Variants in SLC2A14 observed in about 807,000 individuals in gnomAD.
SLC2A14 encodes solute carrier family 2 member 14.
Under a neutral mutation model 43.0 loss-of-function variants are expected in SLC2A14, and 13 were observed. That is an observed-to-expected ratio of 0.30 (90% CI 0.20 to 0.48). The LOEUF (loss-of-function observed/expected upper bound fraction) is 0.48, where lower values mean the gene tolerates loss of function less well. Among genes scored for constraint, SLC2A14 ranks in the 20% least tolerant of loss-of-function variants. SLC2A14 has a pLI of 0.99. For missense variants in SLC2A14, 428 were observed against 620.4 expected (o/e 0.69, Z 3.29); for synonymous variants, 190 against 233.8 (o/e 0.81, Z 1.71).
chr12:7,846,443 C>T (rs1866473475), intron 2 of SLC2A14, among the ~76,000 whole-genome samples: 1 of 150,370 alleles, frequency 6.7e-6, no homozygotes, highest in Admixed American at 6.6e-5. Flanking sequence ...AATCTCTTAT[C>T]TAACATTCTG....
chr12:7,872,807 C>T lies in SLC2A14; in HGVS notation c.-58G>A, dbSNP rs1945312105. ...CGCAGGGACGGCGCGGCGCACCCAC[C>T]TCCCAGACCCCGCGACTGCGGTTGG... On this transcript the variant is annotated splice_region_variant and 5_prime_UTR_variant, in exon 1 of 11. Coordinates refer to ENST00000431042, the MANE Select transcript of SLC2A14 (RefSeq NM_001286234.2). 4.1e-6 allele frequency: 4 copies of T among 985,488 alleles called. No homozygotes were observed. Among genetic ancestry groups the T allele is most frequent in the Non-Finnish European group, 2.4e-6 (2 of 830,122 alleles). 61.0% of individuals were successfully genotyped at this position (985,488 alleles called of 1,614,324 possible). A position where few individuals can be genotyped will look rare whatever the true frequency, so the allele number is the denominator to read the frequency against.
intron 2 of SLC2A14, among the ~76,000 whole-genome samples, chr12:7,852,739 G>C (rs569873098): frequency 6.6e-6 from 1 of 152,078 alleles, no homozygotes; most frequent in East Asian, 1.9e-4. Context: ...ACCACTGTTT[G>C]AGAACCACTG....
rs370881715 is a variant in SLC2A14 at position 7,855,098 on chromosome 12, G to A, written c.18+14765C>T. 5.3e-5 allele frequency among the ~76,000 whole-genome samples: 8 copies of A among 152,074 alleles called. 1 individual carries two copies. The highest frequency in any genetic ancestry group is 6.6e-5 in the Admixed American group (1 of 15,250). The stretch of plus-strand genomic sequence containing the variant: ...GCTGGGATTACAGGCATGAGCCACC[G>A]CATCCAGCCAGGTATCGCACTTTAT... On this transcript the variant is annotated intron_variant, in intron 2 of 10. Coordinates refer to ENST00000431042, the MANE Select transcript of SLC2A14 (RefSeq NM_001286234.2).
chr12:7,841,863 G>C (rs1285563236), intron 2 of SLC2A14, among the ~76,000 whole-genome samples: 1 of 151,822 alleles, frequency 6.6e-6, no homozygotes, highest in Non-Finnish European at 1.5e-5. Context: ...AAATTAGCCG[G>C]GCGTAGTGGT....
chr12:7,827,550 G>C lies in SLC2A14; in HGVS notation c.809C>G (p.Pro270Arg). 1 of 1,612,844 alleles carries C rather than the reference G, an allele frequency of 6.2e-7. No homozygotes were observed. The highest frequency in any genetic ancestry group is 1.1e-5 in the South Asian group (1 of 90,946). ...CTGGAGCACAATGGAAATGATGATG[G>C]GCTGTCGGTAGCTGGACACTCTAAA... Reference protein sequence around the residue: ...ELFRVSSYRQPIIISIVLQLS... With the variant: ...ELFRVSSYRQRIIISIVLQLS... The change falls in exon 7 of 11, where the codon CCC (proline) becomes CGC (arginine). Residue 270 changes from proline to arginine, a missense_variant. Pro to Arg is a moderately radical substitution (Grantham distance 103). Coordinates refer to ENST00000431042, the MANE Select transcript of SLC2A14 (RefSeq NM_001286234.2).
At chr12:7,838,235 C>A (rs1469954495) in intron 2 of SLC2A14, among the ~76,000 whole-genome samples, 12 of 151,840 alleles carry the variant, frequency 7.9e-5, no homozygotes, top group Admixed American at 7.9e-4. Flanking sequence ...CTACAGGCGC[C>A]TGCCACCATG....
upstream of SLC2A14, among the ~76,000 whole-genome samples, chr12:7,874,661 G>A (rs1190272246): frequency 2.0e-5 from 3 of 146,980 alleles, 1 homozygote; most frequent in Non-Finnish European, 4.5e-5. Flanking sequence ...CAGAGAGCAA[G>A]ATTCCATCTC....
intron 1 of SLC2A14, among the ~76,000 whole-genome samples, chr12:7,889,678 GGTATACGCCACCACGCCCGGCTAATTTTT>G (rs1414283396): frequency 1.3e-5 from 2 of 151,676 alleles, no homozygotes; most frequent in Non-Finnish European, 2.9e-5. Flanking sequence ...TGGGATTACA[GGTATACGCCACCACGCCCGGCTAATTTTT>G]GTATTTTTAG....
rs764401206 is a variant in SLC2A14 at position 7,860,918 on chromosome 12, G to A, written c.18+8945C>T. On this transcript the variant is annotated intron_variant, in intron 2 of 10. Transcript: ENST00000431042. ...AGCGATTCTCCTGCCTCAGCCTCCC[G>A]AGTAGCTAGGATTAGAGGCATGCAC... Among the ~76,000 whole-genome samples, 12 of 151,872 alleles carry A rather than the reference G, an allele frequency of 7.9e-5. No homozygotes were observed. In the East Asian group the frequency reaches 1.9e-3, roughly 24 times the overall value.
chr12:7,890,468 A>C (rs1317676561), intron 1 of SLC2A14, among the ~76,000 whole-genome samples: 1 of 151,898 alleles, frequency 6.6e-6, no homozygotes, highest in Non-Finnish European at 1.5e-5. Context: ...CTCTCTTAGC[A>C]TCCAGTGCAC....
chr12:7,870,943 C>A, intron 1 of SLC2A14: 2 of 1,429,020 alleles, frequency 1.4e-6, no homozygotes, highest in Admixed American at 1.8e-5. Context: ...TCGACCAGTT[C>A]CACATCCAGG....
At chr12:7,817,578 C>T (rs997222554) in intron 10 of SLC2A14, among the ~76,000 whole-genome samples, 2 of 152,054 alleles carry the variant, frequency 1.3e-5, no homozygotes, top group Admixed American at 1.3e-4. Flanking sequence ...ACCATCCTGG[C>T]CAACATGGGG....
chr12:7,838,124 G>C (rs1382788719), intron 2 of SLC2A14, among the ~76,000 whole-genome samples: 1 of 148,506 alleles, frequency 6.7e-6, no homozygotes, highest in Non-Finnish European at 1.5e-5. Context: ...ATCTCGCTCT[G>C]TCACCCATGC....
In SLC2A14 at chr12:7,870,186, C is replaced by T. The variant is rs185551756; in HGVS notation, c.-57-249G>A. ...AAATAAGGGTTCTGGGGAGAGACAG[C>T]TGAAGGTAAGGTAAAAATGTCTCTC... On this transcript the variant is annotated intron_variant, in intron 1 of 10. Transcript: ENST00000431042. 1.9e-4 allele frequency among the ~76,000 whole-genome samples: 29 copies of T among 152,198 alleles called. No individual in the cohort carries two copies. The East Asian group carries it at 5.2e-3, about 27-fold the overall frequency.
chr12:7,847,732 T>C (rs1175003295), intron 2 of SLC2A14, among the ~76,000 whole-genome samples: 1 of 152,080 alleles, frequency 6.6e-6, no homozygotes, highest in Non-Finnish European at 1.5e-5. Context: ...GAGGTTGCTA[T>C]GGGGATGTCA....
At chr12:7,834,552 C>A (rs1172153409) in intron 2 of SLC2A14, among the ~76,000 whole-genome samples, 2 of 97,952 alleles carry the variant, frequency 2.0e-5, no homozygotes, top group Non-Finnish European at 4.3e-5. Context: ...TTTTTGAGAC[C>A]CCTTCTCTAT....
chr12:7,881,265 C>T (rs4883458), intron 1 of SLC2A14, among the ~76,000 whole-genome samples: 135,909 of 151,946 alleles, frequency 0.89, 60,855 homozygotes, highest in Middle Eastern at 0.92. Flanking sequence ...CCTCAGCTTG[C>T]GGGAGGTGTG....
At chr12:7,830,061 TCTC>T (rs1864876412) in intron 4 of SLC2A14, 55 bp from the exon 5 acceptor site, 7 of 1,607,952 alleles carry the variant, frequency 4.4e-6, no homozygotes, top group Middle Eastern at 1.7e-4. Context: ...GCTCCTAACT[TCTC>T]CTCTTCTGTA....
chr12:7,838,381 C>G (rs11056048), intron 2 of SLC2A14, among the ~76,000 whole-genome samples: 15,070 of 152,072 alleles, frequency 0.099, 1,885 homozygotes, highest in African/African-American at 0.28. Flanking sequence ...CCAACGTGCC[C>G]GGTCCACAAT....
Sources: gnomAD v4.1 joint callset for allele counts (sites outside exome capture counted in the v4.1 genomes callset) on GRCh38, gnomAD v4.1.1 for gene constraint, MANE v1.5 for transcripts, NCBI Gene and HGNC (gene_info 2026-07-23, HGNC 2026-07-21) for gene names.